The following GKAP1 variants were observed in gnomAD, a reference collection of about 807,000 sequenced individuals.
The protein encoded by GKAP1 is G kinase-anchoring protein 1.
Under a neutral mutation model 56.7 loss-of-function variants are expected in GKAP1, and 31 were observed. The observed-to-expected ratio is 0.55, with a 90% CI of 0.41 to 0.74. The LOEUF is 0.74. Among genes scored for constraint, GKAP1 ranks in the 30% least tolerant of loss-of-function variants. GKAP1 has a pLI of 0.00. For missense variants in GKAP1, 364 were observed against 402.3 expected, an observed-to-expected ratio of 0.90 and a Z score of 0.82; for synonymous variants, 151 against 138.6, an observed-to-expected ratio of 1.09 and a Z score of -0.63.
At chr9:83,778,923 C>T (rs2131283122) in intron 7 of GKAP1, among the ~76,000 whole-genome samples, 1 of 152,042 alleles carries the variant, frequency 6.6e-6, no homozygotes, top group South Asian at 2.1e-4. Flanking sequence ...CATACAGAAG[C>T]TTGTTTAAAT....
intron 8 of GKAP1, among the ~76,000 whole-genome samples, chr9:83,760,282 A>G (rs1943547138): frequency 6.6e-6 from 1 of 152,246 alleles, no homozygotes; most frequent in Non-Finnish European, 1.5e-5. Flanking sequence ...AGGTCACTAT[A>G]AAATGATAAA....
chr9:83,749,081 T>C (rs1243316225), intron 9 of GKAP1: 3 of 152,124 alleles, frequency 2.0e-5, no homozygotes, highest in African/African-American at 7.2e-5. Flanking sequence ...TAGCTTCTTC[T>C]CACATTACAA....
intron 3 of GKAP1, among the ~76,000 whole-genome samples, chr9:83,805,841 G>T (rs560971603): frequency 2.0e-5 from 3 of 152,180 alleles, no homozygotes; most frequent in African/African-American, 4.8e-5. Context: ...TTCAGGCAGG[G>T]TGTGGTGGCT....
chr9:83,761,122 A>G (rs974457453), intron 8 of GKAP1, among the ~76,000 whole-genome samples: 1 of 151,832 alleles, frequency 6.6e-6, no homozygotes, highest in African/African-American at 2.4e-5. Flanking sequence ...CTTGAAAAAA[A>G]ACCTAAAAAT....
chr9:83,749,153 T>G (rs1943343625), intron 9 of GKAP1: 2 of 152,154 alleles, frequency 1.3e-5, no homozygotes, highest in Non-Finnish European at 2.9e-5. Context: ...ACATCCATAT[T>G]TTAGGCAATT....
chr9:83,772,806 T>C (rs768196792), intron 7 of GKAP1, among the ~76,000 whole-genome samples: 2 of 152,164 alleles, frequency 1.3e-5, no homozygotes, highest in Non-Finnish European at 2.9e-5. Flanking sequence ...GATATAAGAA[T>C]GGCTGATAAG....
chr9:83,768,612 T>C (rs147706184), intron 8 of GKAP1, among the ~76,000 whole-genome samples: 15 of 152,288 alleles, frequency 9.8e-5, no homozygotes, highest in Non-Finnish European at 2.1e-4. Flanking sequence ...GCTCAGCAAA[T>C]AGTCATCAAT....
In GKAP1 at chr9:83,749,488, A is replaced by G. The variant is rs537429534; in HGVS notation, c.841-1116T>C. On this transcript the variant is annotated intron_variant, in intron 9 of 12. Coordinates refer to ENST00000376371, the MANE Select transcript of GKAP1 (RefSeq NM_025211.4). ...GTGATCAACCCGCCTTGGCCTCCCCAAAGTGCTGGGATTACAGGCGTGAGC... is the reference window on the plus strand; with the variant it reads ...GTGATCAACCCGCCTTGGCCTCCCCGAAGTGCTGGGATTACAGGCGTGAGC... Among the ~76,000 whole-genome samples the G allele has an allele frequency of 6.5e-4, 99 of 152,288 alleles. 1 individual carries two copies. The highest frequency in any genetic ancestry group is 2.4e-3 in the African/African-American group (99 of 41,570).
intron 4 of GKAP1, among the ~76,000 whole-genome samples, chr9:83,791,010 TG>T (rs1196727774): frequency 3.3e-5 from 5 of 152,198 alleles, no homozygotes; most frequent in Non-Finnish European, 7.3e-5. Context: ...GTTAGGAAGT[TG>T]GAAGTCTTGT....
At chr9:83,803,807 G>A (rs957945246) in intron 3 of GKAP1, among the ~76,000 whole-genome samples, 1 of 150,938 alleles carries the variant, frequency 6.6e-6, no homozygotes, top group African/African-American at 2.4e-5. Context: ...TAGGAAGTGA[G>A]GAGCGCCTCT....
intron 8 of GKAP1, among the ~76,000 whole-genome samples, chr9:83,768,289 T>C (rs144688048): frequency 1.6e-3 from 237 of 152,320 alleles, no homozygotes; most frequent in African/African-American, 5.3e-3. Flanking sequence ...CTCAGTTCCC[T>C]TAGACCCAAA....
intron 4 of GKAP1, among the ~76,000 whole-genome samples, chr9:83,790,375 C>G (rs1944134419): frequency 6.6e-6 from 1 of 152,076 alleles, no homozygotes; most frequent in African/African-American, 2.4e-5. Flanking sequence ...CATGGGTATT[C>G]AATGGTTATA....
chr9:83,816,130 T>C (rs573578774), intron 2 of GKAP1, among the ~76,000 whole-genome samples: 1 of 150,740 alleles, frequency 6.6e-6, no homozygotes, highest in South Asian at 2.1e-4. Flanking sequence ...CAGAAGGTGC[T>C]GTGAGCCGAG....
chr9:83,755,797 T>C (rs1281315109), intron 8 of GKAP1, among the ~76,000 whole-genome samples: 1 of 149,422 alleles, frequency 6.7e-6, no homozygotes, highest in Non-Finnish European at 1.5e-5. Flanking sequence ...ATCAAACTGG[T>C]ACTTTTTTTT....
intron 7 of GKAP1, among the ~76,000 whole-genome samples, chr9:83,779,524 C>CAT (rs1564201699): frequency 1.2e-4 from 14 of 120,356 alleles, no homozygotes; most frequent in African/African-American, 4.6e-4. Context: ...TATATATACA[C>CAT]GTGTATATGT....
At chr9:83,798,035 C>T (rs147103765) in intron 4 of GKAP1, among the ~76,000 whole-genome samples, 5 of 152,332 alleles carry the variant, frequency 3.3e-5, no homozygotes, top group African/African-American at 1.2e-4. Flanking sequence ...TTGAACAGCA[C>T]TACTGCATGG....
At chr9:83,742,508 T>C (rs377224305) in intron 11 of GKAP1, 22 bp downstream of exon 11, 17 of 1,543,664 alleles carry the variant, frequency 1.1e-5, no homozygotes, top group African/African-American at 2.7e-5. Context: ...AAACCAGTCA[T>C]GTATGCTCCA....
At chr9:83,759,535 T>A (rs2131253409) in intron 8 of GKAP1, among the ~76,000 whole-genome samples, 1 of 152,336 alleles carries the variant, frequency 6.6e-6, no homozygotes, top group South Asian at 2.1e-4. Context: ...TTGATATGCA[T>A]CCATGTTGCT....
At chr9:83,774,986 G>C (rs1943831788) in intron 7 of GKAP1, among the ~76,000 whole-genome samples, 3 of 149,062 alleles carry the variant, frequency 2.0e-5, no homozygotes. Context: ...GGATTACAGG[G>C]GTGACCCACC....
Sources: allele counts gnomAD v4.1 joint callset (sites outside exome capture counted in the v4.1 genomes callset), GRCh38; gene constraint gnomAD v4.1.1; transcripts MANE v1.5; gene names NCBI Gene and HGNC (gene_info 2026-07-23, HGNC 2026-07-21).